The following CCDC148 variants were observed in gnomAD, a reference collection of about 807,000 sequenced individuals.
The protein encoded by CCDC148 is coiled-coil domain-containing protein 148.
CCDC148 carries 89 observed loss-of-function variants against 85.7 expected under a neutral mutation model. The ratio of observed to expected loss-of-function variants is 1.04; its 90% CI spans 0.87 to 1.24. The LOEUF is 1.24. CCDC148 is among the 50% of genes most tolerant of loss of function. The pLI, the probability that CCDC148 is intolerant of heterozygous loss-of-function variation, is 0.00. For missense variants in CCDC148, 692 were observed against 671.7 expected, an observed-to-expected ratio of 1.03 and a Z score of -0.33; for synonymous variants, 230 against 213.9, an observed-to-expected ratio of 1.08 and a Z score of -0.66.
At chr2:158,434,600 A>G (rs557636630) in intron 1 of CCDC148, among the ~76,000 whole-genome samples, 5 of 152,360 alleles carry the variant, frequency 3.3e-5, no homozygotes, top group African/African-American at 4.8e-5. Context: ...CACCAGCAAC[A>G]GAACAAAGCT....
chr2:158,191,857 T>C (rs557281978), intron 11 of CCDC148, among the ~76,000 whole-genome samples: 1 of 152,086 alleles, frequency 6.6e-6, no homozygotes, highest in Admixed American at 6.6e-5. Flanking sequence ...TTCTGCCAAG[T>C]GAACCCTGGT....
intron 9 of CCDC148, among the ~76,000 whole-genome samples, chr2:158,252,271 A>C (rs2105143279): frequency 6.6e-6 from 1 of 151,858 alleles, no homozygotes; most frequent in South Asian, 2.1e-4. Context: ...TGCCTTGTTT[A>C]TCAAAATAAC....
intron 1 of CCDC148, among the ~76,000 whole-genome samples, chr2:158,390,603 A>T (rs2105296450): frequency 6.6e-6 from 1 of 152,266 alleles, no homozygotes; most frequent in Non-Finnish European, 1.5e-5. Flanking sequence ...CAGTGACTAG[A>T]GATCTAAGAC....
chr2:158,243,687 G>C (rs757763826), intron 10 of CCDC148, among the ~76,000 whole-genome samples: 7 of 151,998 alleles, frequency 4.6e-5, no homozygotes, highest in Non-Finnish European at 1.0e-4. Context: ...CTAAAACAAA[G>C]GACTGTATAT....
intron 10 of CCDC148, among the ~76,000 whole-genome samples, chr2:158,225,145 G>T (rs1338944145): frequency 6.6e-6 from 1 of 152,060 alleles, no homozygotes; most frequent in Non-Finnish European, 1.5e-5. Context: ...AACAGGCAGG[G>T]GTTGCAATCC....
intron 1 of CCDC148, among the ~76,000 whole-genome samples, chr2:158,416,056 A>T (rs1000897885): frequency 1.3e-5 from 2 of 152,226 alleles, no homozygotes; most frequent in Non-Finnish European, 2.9e-5. Flanking sequence ...GGGCACCTGC[A>T]GGCTTAACAC....
intron 9 of CCDC148, among the ~76,000 whole-genome samples, chr2:158,293,972 C>T (rs373368746): frequency 0.15 from 5,015 of 32,504 alleles, 460 homozygotes; most frequent in Non-Finnish European, 0.18. Flanking sequence ...CTCCCTCCCT[C>T]CCCCCCCCCC....
Position 158,251,310 on chromosome 2 carries a change from T to G in CCDC148, c.1111-398A>C, listed in dbSNP as rs577684732. Among the ~76,000 whole-genome samples the G allele has an allele frequency of 2.6e-5, 4 of 151,976 alleles. No homozygotes were observed. In the South Asian group the frequency reaches 8.3e-4, roughly 31 times the overall value. On this transcript the variant is annotated intron_variant, in intron 9 of 13. Transcript: ENST00000283233. ...AAATGCTTAAAAGTTTAAGAATCTC[T>G]GCAATATTTCAGCCTTCTTATTTTA...
intron 8 of CCDC148, among the ~76,000 whole-genome samples, chr2:158,311,451 CTG>C (rs1692010329): frequency 6.7e-6 from 1 of 150,204 alleles, no homozygotes; most frequent in African/African-American, 2.4e-5. Flanking sequence ...CAGAGGGAGA[CTG>C]TGGAAAGCGG....
chr2:158,399,751 C>T (rs953449800), intron 1 of CCDC148, among the ~76,000 whole-genome samples: 4 of 152,100 alleles, frequency 2.6e-5, no homozygotes, highest in Admixed American at 2.6e-4. Flanking sequence ...TCCTATTCAA[C>T]ATAGTATTGG....
intron 9 of CCDC148, among the ~76,000 whole-genome samples, chr2:158,283,862 A>G (rs1341874805): frequency 2.6e-5 from 4 of 152,106 alleles, no homozygotes; most frequent in Admixed American, 2.6e-4. Context: ...AATAGCAAAG[A>G]CTTGGAACCA....
chr2:158,213,188 A>C (rs970427532), intron 11 of CCDC148, among the ~76,000 whole-genome samples: 1 of 152,216 alleles, frequency 6.6e-6, no homozygotes, highest in Non-Finnish European at 1.5e-5. Context: ...TGACTGATAA[A>C]GTTCTTAGAA....
At chr2:158,339,596 G>A (rs1559081845) in intron 5 of CCDC148, among the ~76,000 whole-genome samples, 1 of 152,170 alleles carries the variant, frequency 6.6e-6, no homozygotes, top group African/African-American at 2.4e-5. Flanking sequence ...AAAAAAATAT[G>A]TAAGAAAGGG....
At chr2:158,200,715 C>T (rs2105282105) in intron 11 of CCDC148, among the ~76,000 whole-genome samples, 1 of 152,224 alleles carries the variant, frequency 6.6e-6, no homozygotes, top group East Asian at 1.9e-4. Flanking sequence ...AATCAGTACA[C>T]TTGGTTAAGG....
intron 9 of CCDC148, among the ~76,000 whole-genome samples, chr2:158,281,152 C>A (rs1479668390): frequency 1.3e-5 from 2 of 152,194 alleles, no homozygotes; most frequent in Non-Finnish European, 2.9e-5. Context: ...ATTTATAGCA[C>A]TAAATGCCCA....
chr2:158,299,217 C>CCTA (rs1691333601), intron 9 of CCDC148, among the ~76,000 whole-genome samples: 1 of 152,184 alleles, frequency 6.6e-6, no homozygotes, highest in South Asian at 2.1e-4. Context: ...CTACACCTCC[C>CCTA]CAGGCCTGTG....
intron 7 of CCDC148, among the ~76,000 whole-genome samples, chr2:158,325,505 C>T (rs10168119): frequency 0.92 from 139,672 of 152,180 alleles, 64,172 homozygotes; most frequent in East Asian, 0.98. Flanking sequence ...TTTTCTCCTT[C>T]CTCTCTTTAC....
Position 158,312,646 on chromosome 2 carries a change from G to T in CCDC148, c.903+1110C>A, listed in dbSNP as rs190755668. 1.4e-4 allele frequency among the ~76,000 whole-genome samples: 21 copies of T among 150,038 alleles called. No homozygotes were observed. The East Asian group carries it at 3.9e-3, about 28-fold the overall frequency. ...AAAAATCTTTATCATGATAATAATA[G>T]GAAAATATAAAAATCTTCAAGTTAT... On this transcript the variant is annotated intron_variant, in intron 8 of 13. Transcript: ENST00000283233.
Position 158,416,269 on chromosome 2 carries a change from G to T in CCDC148, c.25+40146C>A, listed in dbSNP as rs1447271037. On this transcript the variant is annotated intron_variant, in intron 1 of 13. Coordinates refer to ENST00000283233, the MANE Select transcript of CCDC148 (RefSeq NM_138803.4). ...TAGGCCTCCAGGGCTGTGATGGGAG[G>T]GGCTGCCACGAGGTCTCTGAAATGC... Among the ~76,000 whole-genome samples, 2 of 152,164 alleles carry T rather than the reference G, an allele frequency of 1.3e-5. 1 individual carries two copies. Among genetic ancestry groups the T allele is most frequent in the African/African-American group, 4.8e-5 (2 of 41,448 alleles).
Sources: allele counts gnomAD v4.1 joint callset (sites outside exome capture counted in the v4.1 genomes callset), GRCh38; gene constraint gnomAD v4.1.1; transcripts MANE v1.5; gene names NCBI Gene and HGNC (gene_info 2026-07-23, HGNC 2026-07-21).